Variants in CELF2 observed in about 807,000 individuals in gnomAD.
CELF2 encodes CUGBP Elav-like family member 2.
In CELF2, 8 loss-of-function variants were observed where a neutral mutation model predicts 62.6. That is an observed-to-expected ratio of 0.13 (90% CI 0.07 to 0.23). The LOEUF (loss-of-function observed/expected upper bound fraction) is 0.23, where lower values mean the gene tolerates loss of function less well. Among genes scored for constraint, CELF2 ranks in the 10% least tolerant of loss-of-function variants. CELF2 has a pLI of 1.00. For missense variants in CELF2, 333 were observed against 671.0 expected (o/e 0.50, Z 5.56); for synonymous variants, 258 against 250.0 (o/e 1.03, Z -0.30).
chr10:10,525,091 A>C, the CELF2 span, among the ~76,000 whole-genome samples: 42 of 152,322 alleles, frequency 2.8e-4, no homozygotes, highest in African/African-American at 9.1e-4. Context: ...TGATTAAATC[A>C]ATCTAATTGG....
At chr10:10,773,870 G>A in the CELF2 span, among the ~76,000 whole-genome samples, 4 of 152,208 alleles carry the variant, frequency 2.6e-5, no homozygotes, top group South Asian at 4.2e-4. Context: ...AAACCTTTGC[G>A]ATAAACACTG....
chr10:11,130,815 T>G (rs2131829196), intron 1 of CELF2, among the ~76,000 whole-genome samples: 1 of 152,350 alleles, frequency 6.6e-6, no homozygotes, highest in Non-Finnish European at 1.5e-5. Flanking sequence ...TCTGCTCCAC[T>G]TTTCATTACT....
the CELF2 span, among the ~76,000 whole-genome samples, chr10:10,710,877 G>T: frequency 6.6e-6 from 1 of 152,242 alleles, no homozygotes; most frequent in Admixed American, 6.5e-5. Flanking sequence ...TAGAGAAATG[G>T]CCTAACAGAA....
At chr10:10,743,292 A>G in the CELF2 span, among the ~76,000 whole-genome samples, 4 of 152,348 alleles carry the variant, frequency 2.6e-5, no homozygotes, top group East Asian at 7.7e-4. Flanking sequence ...TTTAGAAGCG[A>G]AGCAAGTTTC....
rs548858111 is a variant in CELF2 at position 11,098,983 on chromosome 10, A to G, written c.75-66503A>G. Among the ~76,000 whole-genome samples the G allele has an allele frequency of 1.4e-3, 218 of 152,362 alleles. No homozygotes were observed. The highest frequency in any genetic ancestry group is 3.4e-3 in the Middle Eastern group (1 of 294). On this transcript the variant is annotated intron_variant, in intron 1 of 12. Coordinates refer to ENST00000633077, the MANE Select transcript of CELF2 (RefSeq NM_001326342.2). The surrounding 1 kb of genome is among the most constrained non-coding windows in gnomAD (Gnocchi z 4.0). Reference sequence around the variant, plus strand: ...GACAGAAATGCAGATAAGCTTTGCCATAAGAAACGCACAGATGACTTCAGA... The same window carrying G: ...GACAGAAATGCAGATAAGCTTTGCCGTAAGAAACGCACAGATGACTTCAGA...
At chr10:10,656,373 A>G in the CELF2 span, among the ~76,000 whole-genome samples, 1 of 139,894 alleles carries the variant, frequency 7.1e-6, no homozygotes, top group African/African-American at 2.6e-5. Flanking sequence ...ATTACTGGGT[A>G]TATACCCAAA....
chr10:10,620,950 G>C, the CELF2 span, among the ~76,000 whole-genome samples: 5 of 137,954 alleles, frequency 3.6e-5, no homozygotes, highest in East Asian at 2.1e-4. Context: ...AAGGCGGAGC[G>C]CGGTGGCTCA....
chr10:11,267,832 T>C lies in CELF2; in HGVS notation c.618+1155T>C, dbSNP rs902355409. Among the ~76,000 whole-genome samples the C allele has an allele frequency of 6.6e-6, 1 of 152,240 alleles. No homozygotes were observed. Among genetic ancestry groups the C allele is most frequent in the African/African-American group, 2.4e-5 (1 of 41,460 alleles). ...AGGGGGGAAGGAGTGTGCATGGCATTGTCATTCAGTGTTTACTGTACTTTT... is the reference window on the plus strand; with the variant it reads ...AGGGGGGAAGGAGTGTGCATGGCATCGTCATTCAGTGTTTACTGTACTTTT... On this transcript the variant is annotated intron_variant, in intron 6 of 12. Coordinates refer to ENST00000633077, the MANE Select transcript of CELF2 (RefSeq NM_001326342.2). This position sits in a 1 kb window ranked among gnomAD's most constrained non-coding sequence, Gnocchi z 4.4.
At chr10:10,643,228 C>A in the CELF2 span, among the ~76,000 whole-genome samples, 5 of 151,934 alleles carry the variant, frequency 3.3e-5, no homozygotes, top group Non-Finnish European at 7.4e-5. Context: ...TGACTGTGTC[C>A]CCACCCAAAT....
chr10:11,002,481 C>T (rs543840144), upstream of CELF2, among the ~76,000 whole-genome samples: 1 of 152,104 alleles, frequency 6.6e-6, no homozygotes, highest in Admixed American at 6.5e-5. The surrounding 1 kb of genome is among the most constrained non-coding windows in gnomAD (Gnocchi z 4.4). Context: ...GGCGAGTATG[C>T]GGATCTCTGT....
chr10:11,296,990 G>A lies in CELF2; in HGVS notation c.976+8438G>A, dbSNP rs954237164. Among the ~76,000 whole-genome samples, 1 of 152,216 alleles carries A rather than the reference G, an allele frequency of 6.6e-6. No individual in the cohort carries two copies. Among genetic ancestry groups the A allele is most frequent in the African/African-American group, 2.4e-5 (1 of 41,472 alleles). On this transcript the variant is annotated intron_variant, in intron 9 of 12. Transcript: ENST00000633077. The surrounding 1 kb of genome is among the most constrained non-coding windows in gnomAD (Gnocchi z 5.0). Reference sequence around the variant, plus strand: ...CCCTGAGAGCCGGGGCTCAGGAGCTGGGACTTTTCCTGTCAGCAGTGAAGA... The same window carrying A: ...CCCTGAGAGCCGGGGCTCAGGAGCTAGGACTTTTCCTGTCAGCAGTGAAGA...
In CELF2 at chr10:11,017,890, T is replaced by G. The variant is rs1476705586; in HGVS notation, c.-200T>G. The G allele has an allele frequency of 1.1e-6, 1 of 948,568 alleles. No individual in the cohort carries two copies. Among genetic ancestry groups the G allele is most frequent in the Non-Finnish European group, 1.3e-6 (1 of 798,786 alleles). 58.8% of individuals were successfully genotyped at this position (948,568 alleles called of 1,614,324 possible). A position where few individuals can be genotyped will look rare whatever the true frequency, so the allele number is the denominator to read the frequency against. Reference sequence around the variant, plus strand: ...GAGCTCCGCCCCCGCCCGCCGCACCTGGCGCTCGGCAGCCGGCCGCCCCGG... The same window carrying G: ...GAGCTCCGCCCCCGCCCGCCGCACCGGGCGCTCGGCAGCCGGCCGCCCCGG... On this transcript the variant is annotated 5_prime_UTR_variant, in exon 1 of 13. Transcript: ENST00000633077. This position sits in a 1 kb window ranked among gnomAD's most constrained non-coding sequence, Gnocchi z 5.5.
At chr10:10,646,290 A>G in the CELF2 span, among the ~76,000 whole-genome samples, 1 of 152,256 alleles carries the variant, frequency 6.6e-6, no homozygotes, top group Non-Finnish European at 1.5e-5. Context: ...AGGACCAATC[A>G]GTAAACATCC....
chr10:10,798,577 T>A (rs929935070), upstream of CELF2: 18 of 394,902 alleles, frequency 4.6e-5, no homozygotes, highest in Non-Finnish European at 6.7e-5. Context: ...GAGCCGGGTG[T>A]GGGACGGAGG....
intron 1 of CELF2, among the ~76,000 whole-genome samples, chr10:11,022,143 A>G (rs774261370): frequency 1.8e-4 from 28 of 152,242 alleles, no homozygotes; most frequent in Non-Finnish European, 3.4e-4. Context: ...TCATGAAAGG[A>G]AATTAAAATG....
the CELF2 span, among the ~76,000 whole-genome samples, chr10:10,485,263 A>G: frequency 6.6e-6 from 1 of 152,308 alleles, no homozygotes; most frequent in African/African-American, 2.4e-5. Flanking sequence ...AAGGACCCGC[A>G]ATTAGAAGGC....
the CELF2 span, among the ~76,000 whole-genome samples, chr10:10,620,450 CAAAAAAAA>C: frequency 1.1e-5 from 1 of 88,256 alleles, no homozygotes; most frequent in African/African-American, 4.6e-5. Flanking sequence ...GGCTCAGTCT[CAAAAAAAA>C]AAAAAAAAAA....
chr10:11,106,276 G>A (rs574359863), intron 1 of CELF2, among the ~76,000 whole-genome samples: 3 of 147,044 alleles, frequency 2.0e-5, no homozygotes, highest in Non-Finnish European at 3.0e-5. Context: ...GCTCTGTCAC[G>A]TAGGCTGAAC....
At chr10:10,493,225 A>C in the CELF2 span, among the ~76,000 whole-genome samples, 1 of 152,314 alleles carries the variant, frequency 6.6e-6, no homozygotes, top group Admixed American at 6.5e-5. Context: ...GCACTAGAGT[A>C]GTCAAATTCA....
Sources: gnomAD v4.1 joint callset for allele counts (sites outside exome capture counted in the v4.1 genomes callset) on GRCh38, gnomAD v4.1.1 for gene constraint, Gnocchi (gnomAD v3.1) non-coding constraint, MANE v1.5 for transcripts, NCBI Gene and HGNC (gene_info 2026-07-23, HGNC 2026-07-21) for gene names.